Variants in KAZN observed in about 807,000 individuals in gnomAD.
KAZN encodes the protein kazrin, periplakin interacting protein.
A neutral mutation model predicts 87.4 loss-of-function variants in KAZN; 40 were observed. That is an observed-to-expected ratio of 0.46 (90% confidence interval 0.36 to 0.60). The LOEUF is 0.60. Ranked by LOEUF, KAZN falls within the 20% of genes least tolerant of loss-of-function variation. The pLI is 0.00. For missense variants in KAZN, 898 were observed against 1,073.9 expected, an observed-to-expected ratio of 0.84 and a Z score of 2.29; for synonymous variants, 466 against 458.3, an observed-to-expected ratio of 1.02 and a Z score of -0.22.
At chr1:13,925,545 GA>G (rs143415436) in intron 1 of KAZN, among the ~76,000 whole-genome samples, 13,763 of 152,230 alleles carry the variant, frequency 0.09, 706 homozygotes, top group Middle Eastern at 0.15. Context: ...ATAGATTAAG[GA>G]ATGTCCCGGT....
At chr1:14,754,931 GA>G (rs1234784537) in intron 1 of KAZN, among the ~76,000 whole-genome samples, 3 of 151,896 alleles carry the variant, frequency 2.0e-5, no homozygotes, top group African/African-American at 7.3e-5. Context: ...TTTCCGGATT[GA>G]AAAAATTAAG....
At chr1:14,617,381 G>T (rs1299130578) in intron 1 of KAZN, among the ~76,000 whole-genome samples, 1 of 152,150 alleles carries the variant, frequency 6.6e-6, no homozygotes, top group Non-Finnish European at 1.5e-5. Flanking sequence ...ATTTAAAAAT[G>T]CTTTATTGCT....
chr1:13,994,158 C>T (rs1639407769), intron 1 of KAZN, among the ~76,000 whole-genome samples: 1 of 152,140 alleles, frequency 6.6e-6, no homozygotes, highest in Non-Finnish European at 1.5e-5. Flanking sequence ...ATTATAAACC[C>T]ATGTGTGCTG....
At chr1:14,468,970 A>T (rs1668306131) in intron 2 of KAZN, among the ~76,000 whole-genome samples, 1 of 152,104 alleles carries the variant, frequency 6.6e-6, no homozygotes, top group African/African-American at 2.4e-5. Flanking sequence ...GAATACTGGG[A>T]TTGTTACAGT....
intron 1 of KAZN, among the ~76,000 whole-genome samples, chr1:14,147,882 C>G (rs1645387858): frequency 6.6e-6 from 1 of 151,866 alleles, no homozygotes; most frequent in African/African-American, 2.4e-5. Context: ...TTTTAATGAC[C>G]TTTAGCTATG....
In KAZN at chr1:14,838,576, C is replaced by T. The variant is rs558157060; in HGVS notation, c.227-122108C>T. On this transcript the variant is annotated intron_variant, in intron 1 of 14. Coordinates refer to ENST00000376030, the MANE Select transcript of KAZN (RefSeq NM_201628.3). ...TTCCAAGGTGTGCCTCGGCTCCCCT[C>T]TTGATCCCATTCTTTGGTTGTAAGG... Among the ~76,000 whole-genome samples the T allele has an allele frequency of 5.3e-5, 8 of 152,274 alleles. No individual in the cohort carries two copies. In the South Asian group the frequency reaches 1.4e-3, roughly 28 times the overall value.
At chr1:13,981,982 G>C (rs544897302) in intron 1 of KAZN, among the ~76,000 whole-genome samples, 2 of 152,244 alleles carry the variant, frequency 1.3e-5, no homozygotes, top group African/African-American at 2.4e-5. Flanking sequence ...GTCACACACA[G>C]AGATGGGGGG....
intron 1 of KAZN, among the ~76,000 whole-genome samples, chr1:14,616,897 A>G (rs544599474): frequency 9.9e-5 from 15 of 152,266 alleles, no homozygotes; most frequent in East Asian, 3.9e-4. Context: ...TCAAATCGCT[A>G]TTAACTCCAG....
At chr1:14,443,381 C>T (rs2148316416) in intron 2 of KAZN, among the ~76,000 whole-genome samples, 1 of 152,278 alleles carries the variant, frequency 6.6e-6, no homozygotes, top group African/African-American at 2.4e-5. Flanking sequence ...GGGCCAGGGG[C>T]TCTTGGGAGA....
chr1:14,419,652 T>C, intron 2 of KAZN, among the ~76,000 whole-genome samples: 1 of 152,200 alleles, frequency 6.6e-6, no homozygotes, highest in East Asian at 1.9e-4. Context: ...GATTTTCGGA[T>C]GTGTTCAGAG....
chr1:14,103,286 T>C (rs1328888060), intron 1 of KAZN, among the ~76,000 whole-genome samples: 1 of 152,206 alleles, frequency 6.6e-6, no homozygotes, highest in Non-Finnish European at 1.5e-5. Context: ...CTTATACATC[T>C]ATCTCTTCTT....
chr1:14,460,605 G>A (rs1667806347), intron 2 of KAZN, among the ~76,000 whole-genome samples: 1 of 152,160 alleles, frequency 6.6e-6, no homozygotes, highest in African/African-American at 2.4e-5. Flanking sequence ...CCTCCTCTAT[G>A]ACAATCTTTC....
intron 1 of KAZN, among the ~76,000 whole-genome samples, chr1:14,628,619 A>T (rs1240222648): frequency 6.6e-6 from 1 of 152,220 alleles, no homozygotes; most frequent in African/African-American, 2.4e-5. Context: ...CATCTGGAGA[A>T]TGCCGGGCCA....
intron 2 of KAZN, among the ~76,000 whole-genome samples, chr1:14,436,097 C>T (rs531164391): frequency 9.2e-5 from 14 of 152,126 alleles, no homozygotes; most frequent in East Asian, 7.8e-4. Context: ...GGTGTGGTGG[C>T]GGGCGCCTGT....
chr1:14,396,501 A>G (rs1434128376), intron 2 of KAZN, among the ~76,000 whole-genome samples: 1 of 152,222 alleles, frequency 6.6e-6, no homozygotes, highest in Non-Finnish European at 1.5e-5. Context: ...AGCATTGGCA[A>G]TGCCCACCCG....
intron 1 of KAZN, among the ~76,000 whole-genome samples, chr1:14,854,073 G>A (rs528272196): frequency 4.6e-5 from 7 of 152,250 alleles, no homozygotes; most frequent in African/African-American, 1.7e-4. Flanking sequence ...CACCTGGAGG[G>A]CCATCAGAGG....
At chr1:14,397,981 C>T (rs1021600133) in intron 2 of KAZN, among the ~76,000 whole-genome samples, 1 of 151,970 alleles carries the variant, frequency 6.6e-6, no homozygotes, top group Non-Finnish European at 1.5e-5. Flanking sequence ...AGCCAAAATA[C>T]CTCAGTTAAG....
chr1:14,411,770 A>G (rs1664323712), intron 2 of KAZN, among the ~76,000 whole-genome samples: 1 of 152,250 alleles, frequency 6.6e-6, no homozygotes, highest in African/African-American at 2.4e-5. Context: ...TCAAGCATCA[A>G]ATGTGAGCTG....
At chr1:14,173,654 C>G (rs951418182) in intron 1 of KAZN, among the ~76,000 whole-genome samples, 3 of 145,794 alleles carry the variant, frequency 2.1e-5, no homozygotes, top group African/African-American at 7.7e-5. Flanking sequence ...CTTTGTAGTT[C>G]CCCTCCCCGC....
Sources: allele counts gnomAD v4.1 joint callset (sites outside exome capture counted in the v4.1 genomes callset), GRCh38; gene constraint gnomAD v4.1.1; transcripts MANE v1.5; gene names NCBI Gene and HGNC (gene_info 2026-07-23, HGNC 2026-07-21).